TGFA: variants seen among roughly 807,000 people sequenced by gnomAD.
The protein encoded by TGFA is protransforming growth factor alpha.
Under a neutral mutation model 21.7 loss-of-function variants are expected in TGFA, and 12 were observed. The observed-to-expected ratio is 0.55, with a 90% confidence interval of 0.35 to 0.90. TGFA has a LOEUF of 0.90. Ranked by LOEUF, TGFA falls within the 40% of genes least tolerant of loss-of-function variation. The pLI is 0.01. For synonymous variants in TGFA, 79 were observed against 88.1 expected, an observed-to-expected ratio of 0.90 and a Z score of 0.58; for missense variants, 178 against 210.8, an observed-to-expected ratio of 0.84 and a Z score of 0.96.
At position 70,504,459 on chromosome 2, in the gene TGFA, TATATAC is replaced by T. The variant is rs1477104886; in HGVS notation, c.94+10394_94+10399del. 7.7e-4 allele frequency among the ~76,000 whole-genome samples: 57 copies of T among 74,328 alleles called. 1 individual carries two copies. Among genetic ancestry groups the T allele is most frequent in the African/African-American group, 3.2e-3 (32 of 10,038 alleles). 48.8% of individuals were successfully genotyped at this position (74,328 alleles called of 152,430 possible). A position where few individuals can be genotyped will look rare whatever the true frequency, so the allele number is the denominator to read the frequency against. On this transcript the variant is annotated intron_variant, in intron 2 of 5. Transcript: ENST00000295400. The stretch of plus-strand genomic sequence containing the variant: ...ATATATATATATATATATATATATA[TATATAC>T]ACACATACATACATACATACACACA...
intron 1 of TGFA, among the ~76,000 whole-genome samples, chr2:70,551,281 G>A (rs549754990): frequency 6.6e-6 from 1 of 152,148 alleles, no homozygotes; most frequent in South Asian, 2.1e-4. Context: ...GCCCCCGTGC[G>A]GTCTGCCTGC....
intron 2 of TGFA, among the ~76,000 whole-genome samples, chr2:70,486,408 G>A (rs1671272561): frequency 1.3e-5 from 2 of 152,078 alleles, no homozygotes; most frequent in South Asian, 4.1e-4. Context: ...TAAGCAAATT[G>A]CAACAAGATC....
At chr2:70,501,793 G>A (rs894935549) in intron 2 of TGFA, among the ~76,000 whole-genome samples, 1 of 152,128 alleles carries the variant, frequency 6.6e-6, no homozygotes, top group Admixed American at 6.5e-5. Context: ...GGGAAATTAG[G>A]CGCTAACTTT....
chr2:70,486,855 CG>C (rs1671285580), intron 2 of TGFA, among the ~76,000 whole-genome samples: 1 of 152,110 alleles, frequency 6.6e-6, no homozygotes. Context: ...CTCCACCTCC[CG>C]GGTTCACACT....
At chr2:70,504,461 T>TATATATATATATAC (rs1490288034) in intron 2 of TGFA, among the ~76,000 whole-genome samples, 3 of 65,168 alleles carry the variant, frequency 4.6e-5, no homozygotes, top group African/African-American at 3.1e-4. Flanking sequence ...TATATATATA[T>TATATATATATATAC]ATACACACAT....
At chr2:70,486,997 C>T (rs1404957542) in intron 2 of TGFA, among the ~76,000 whole-genome samples, 2 of 152,218 alleles carry the variant, frequency 1.3e-5, no homozygotes, top group South Asian at 2.1e-4. Context: ...CTCCTGACCT[C>T]GTGATCTGCC....
At chr2:70,487,528 AG>A (rs544231050) in intron 2 of TGFA, among the ~76,000 whole-genome samples, 55 of 152,322 alleles carry the variant, frequency 3.6e-4, no homozygotes, top group African/African-American at 1.1e-3. Flanking sequence ...CATGAAACAA[AG>A]TTTTGACTGT....
At chr2:70,479,744 C>T (rs187067603) in intron 2 of TGFA, among the ~76,000 whole-genome samples, 37 of 152,072 alleles carry the variant, frequency 2.4e-4, no homozygotes, top group East Asian at 1.3e-3. Flanking sequence ...ATCTTCTGCT[C>T]ATTAGTGTAT....
rs7340388 is a variant in TGFA at position 70,523,476 on chromosome 2, T to C, written c.41-8564A>G. 5.3e-5 allele frequency among the ~76,000 whole-genome samples: 8 copies of C among 152,318 alleles called. 1 individual carries two copies. The highest frequency in any genetic ancestry group is 1.9e-4 in the African/African-American group (8 of 41,558). Reference sequence around the variant, plus strand: ...GCCCTTTCTTCCACCCAAATGTTTCTACCTAGTCCGGGTCTCTTACAAACA... The same window carrying C: ...GCCCTTTCTTCCACCCAAATGTTTCCACCTAGTCCGGGTCTCTTACAAACA... On this transcript the variant is annotated intron_variant, in intron 1 of 5. Coordinates refer to ENST00000295400, the MANE Select transcript of TGFA (RefSeq NM_003236.4).
chr2:70,504,469 C>CATACATATATATATATATATAT (rs1553499794), intron 2 of TGFA, among the ~76,000 whole-genome samples: 2 of 80,648 alleles, frequency 2.5e-5, no homozygotes, highest in East Asian at 3.9e-4. Flanking sequence ...TATATACACA[C>CATACATATATATATATATATAT]ATACATACAT....
At chr2:70,464,747 G>A (rs553883981) in intron 3 of TGFA, among the ~76,000 whole-genome samples, 3 of 152,278 alleles carry the variant, frequency 2.0e-5, no homozygotes, top group African/African-American at 7.2e-5. Flanking sequence ...AAAGAATAAA[G>A]ACAGCTTTCA....
chr2:70,528,418 T>A (rs535094250), intron 1 of TGFA, among the ~76,000 whole-genome samples: 3 of 149,674 alleles, frequency 2.0e-5, no homozygotes, highest in Non-Finnish European at 4.4e-5. Flanking sequence ...ACTGGGAGCA[T>A]GTCAGACGAG....
chr2:70,550,008 A>G (rs528177312), intron 1 of TGFA, among the ~76,000 whole-genome samples: 15 of 152,120 alleles, frequency 9.9e-5, no homozygotes, highest in Non-Finnish European at 2.1e-4. Flanking sequence ...TCCACTGTCT[A>G]CTCTGAAAGA....
intron 1 of TGFA, among the ~76,000 whole-genome samples, chr2:70,542,413 T>C (rs1374773265): frequency 6.6e-6 from 1 of 152,176 alleles, no homozygotes; most frequent in Non-Finnish European, 1.5e-5. Flanking sequence ...AATTGTTTAC[T>C]GACCTCATTC....
At chr2:70,476,163 C>CT (rs1343995790) in intron 2 of TGFA, among the ~76,000 whole-genome samples, 1 of 151,312 alleles carries the variant, frequency 6.6e-6, no homozygotes, top group African/African-American at 2.4e-5. Flanking sequence ...AAGCCTCCCC[C>CT]TTTTCTTTTA....
At position 70,453,221 on chromosome 2, in the gene TGFA, T is replaced by G. The variant is rs1181697045; in HGVS notation, c.472A>C (p.Thr158Pro). 1.2e-6 allele frequency: 2 copies of G among 1,613,578 alleles called. No homozygotes were observed. Among genetic ancestry groups the G allele is most frequent in the African/African-American group, 2.7e-5 (2 of 74,910 alleles). ...KGRTACCHSE[T>P]VV is the part of the protein sequence containing the mutation. ...CACCAGAGAAGAGTCTCCTTACCTG[T>G]TTCTGAGTGGCAGCAAGCGGTTCTT... is the stretch of plus-strand genomic sequence containing the variant. Residue 158 changes from threonine to proline, a missense_variant, in exon 5 of 6, where the codon ACA (threonine) becomes CCA (proline). Coordinates refer to ENST00000295400, the MANE Select transcript of TGFA (RefSeq NM_003236.4).
chr2:70,460,383 A>T (rs996685466), intron 3 of TGFA, among the ~76,000 whole-genome samples: 5 of 23,756 alleles, frequency 2.1e-4, no homozygotes, highest in South Asian at 9.0e-4. Context: ...TACTTTTTTT[A>T]AAAAAAAAAC....
chr2:70,510,346 G>A lies in TGFA; in HGVS notation c.94+4513C>T, dbSNP rs1192745121. On this transcript the variant is annotated intron_variant, in intron 2 of 5. Coordinates refer to ENST00000295400, the MANE Select transcript of TGFA (RefSeq NM_003236.4). ...CCCTACCTTGGGCCTATGACAATTA[G>A]CATCACCAATGGATCAGTGCAGTAC... Among the ~76,000 whole-genome samples, 3 of 152,128 alleles carry A rather than the reference G, an allele frequency of 2.0e-5. No homozygotes were observed. The East Asian group carries it at 5.8e-4, about 29-fold the overall frequency.
chr2:70,506,759 G>GA (rs1671939459), intron 2 of TGFA, among the ~76,000 whole-genome samples: 1 of 152,190 alleles, frequency 6.6e-6, no homozygotes, highest in Non-Finnish European at 1.5e-5. Flanking sequence ...CAGGCACAGA[G>GA]AGGTTAAGTA....
Sources: allele counts gnomAD v4.1 joint callset (sites outside exome capture counted in the v4.1 genomes callset), GRCh38; gene constraint gnomAD v4.1.1; transcripts MANE v1.5; gene names NCBI Gene and HGNC (gene_info 2026-07-23, HGNC 2026-07-21).